Variants in PRDX1 observed in about 807,000 individuals in gnomAD.
PRDX1 encodes peroxiredoxin 1.
A neutral mutation model predicts 20.7 loss-of-function variants in PRDX1; 19 were observed. That is an observed-to-expected ratio of 0.92 (90% CI 0.64 to 1.35). The LOEUF is 1.35. Among genes scored for constraint, PRDX1 ranks in the 40% most tolerant of loss-of-function variants. The probability of loss-of-function intolerance (pLI) is 0.00; values close to 1 mark genes in which losing one functional copy is unlikely to be tolerated. For missense variants in PRDX1, 226 were observed against 240.0 expected (o/e 0.94, Z 0.38); for synonymous variants, 89 against 83.9 (o/e 1.06, Z -0.33).
chr1:45,517,313 T>C (rs145104670), intron 2 of PRDX1, among the ~76,000 whole-genome samples: 4 of 152,256 alleles, frequency 2.6e-5, no homozygotes, highest in Non-Finnish European at 5.9e-5. Context: ...TACCAAAAAC[T>C]AACTCCAGGG....
intron 2 of PRDX1, among the ~76,000 whole-genome samples, chr1:45,516,370 TCC>T (rs1643862557): frequency 1.3e-5 from 2 of 152,150 alleles, no homozygotes; most frequent in African/African-American, 4.8e-5. Flanking sequence ...GTGTCTGTAG[TCC>T]CAGCTACTTG....
At chr1:45,514,466 T>C in intron 5 of PRDX1, 41 bp downstream of exon 5, 1 of 1,610,414 alleles carries the variant, frequency 6.2e-7, no homozygotes, top group East Asian at 2.2e-5. Flanking sequence ...CACCCCTTCA[T>C]ACCACCACTC....
rs915069689 is a variant in PRDX1, at chr1:45,514,934, G to A, written c.322C>T (p.Pro108Ser). The A allele has an allele frequency of 1.9e-6, 3 of 1,614,154 alleles. No individual in the cohort carries two copies. Among genetic ancestry groups the A allele is most frequent in the African/African-American group, 1.3e-5 (1 of 75,034 alleles). Residue 108 changes from proline (P) to serine (S), a missense_variant, in exon 4 of 6, where the codon CCG (proline) becomes TCG (serine). Coordinates refer to ENST00000319248, the MANE Select transcript of PRDX1 (RefSeq NM_181697.3). Reference sequence around the variant, plus strand: ...TAATCCTGAGCAATGGTGCGCTTCGGGTCTGATACCAAAGGAATGTTCATG... The same window carrying A: ...TAATCCTGAGCAATGGTGCGCTTCGAGTCTGATACCAAAGGAATGTTCATG... ...GPMNIPLVSD[P>S]KRTIAQDYGV...
At chr1:45,520,486 G>A (rs958375446) in intron 1 of PRDX1, among the ~76,000 whole-genome samples, 1 of 152,046 alleles carries the variant, frequency 6.6e-6, no homozygotes, top group African/African-American at 2.4e-5. Context: ...ACTTTGGGAG[G>A]CCGAGGCAGG....
At chr1:45,522,105 C>G (rs1237651310), upstream of PRDX1, 1 of 152,210 alleles carries the variant, frequency 6.6e-6, no homozygotes, top group African/African-American at 2.4e-5. Flanking sequence ...AGTGAGGCGC[C>G]CTTGTGGCCG....
upstream of PRDX1, among the ~76,000 whole-genome samples, chr1:45,522,249 G>A (rs3790584): frequency 1.9e-3 from 286 of 152,222 alleles, 8 homozygotes; most frequent in East Asian, 0.05. Flanking sequence ...GCCCACGGAG[G>A]ACCACGTCTA....
chr1:45,522,760 A>G (rs1643925072), upstream of PRDX1: 1 of 151,966 alleles, frequency 6.6e-6, no homozygotes, highest in African/African-American at 2.4e-5. Context: ...CATTTTTTTG[A>G]GACGGAGTCT....
rs1245368362 is a variant in PRDX1 at position 45,514,569 on chromosome 1, C to T, written c.452G>A (p.Arg151His). The T allele has an allele frequency of 8.7e-6, 14 of 1,613,550 alleles. No individual in the cohort carries two copies. Among genetic ancestry groups the T allele is most frequent in the East Asian group, 2.2e-5 (1 of 44,894 alleles). ...QITVNDLPVG[R>H]SVDETLRLVQ... The stretch of plus-strand genomic sequence containing the variant: ...TAGTCTCAAAGTCTCATCCACAGAG[C>T]GGCCAACAGGGAGGTCATTTACAGT... Residue 151 changes from arginine to histidine, a missense_variant, in exon 5 of 6, where the codon CGC becomes CAC. Transcript: ENST00000319248.
chr1:45,514,322 G>A (rs539370470), intron 5 of PRDX1, among the ~76,000 whole-genome samples, 185 bp downstream of exon 5: 4 of 152,142 alleles, frequency 2.6e-5, no homozygotes, highest in South Asian at 2.1e-4. Context: ...CTCAGAGGCC[G>A]GCGGGATCCT....
chr1:45,511,861 C>T (rs1557611492), intron 5 of PRDX1: 1 of 152,676 alleles, frequency 6.5e-6, no homozygotes, highest in East Asian at 1.9e-4. Flanking sequence ...TAGCCTGAAC[C>T]TTATAAAGGA....
intron 2 of PRDX1, among the ~76,000 whole-genome samples, chr1:45,517,608 C>T (rs1317068763): frequency 6.6e-6 from 1 of 151,884 alleles, no homozygotes; most frequent in Non-Finnish European, 1.5e-5. Flanking sequence ...GGTGAAACCC[C>T]GTCTCTACTA....
At chr1:45,521,381 G>A (rs1278260042) in intron 1 of PRDX1, among the ~76,000 whole-genome samples, 2 of 152,282 alleles carry the variant, frequency 1.3e-5, no homozygotes, top group South Asian at 4.1e-4. Flanking sequence ...ACGGGGAAAG[G>A]GTACCCGAAG....
chr1:45,519,064 A>T lies in PRDX1; in HGVS notation c.-11-10T>A. The T allele has an allele frequency of 6.5e-7, 1 of 1,528,582 alleles. No homozygotes were observed. 94.7% of individuals were successfully genotyped at this position (1,528,582 alleles called of 1,614,324 possible). On this transcript the variant is annotated splice_polypyrimidine_tract_variant and intron_variant, in intron 1 of 5. Transcript: ENST00000319248. ...GACATCTTCCTATCAGCTAGAAATA[A>T]CAGAAATGAATTAGAAACAAGCCTT... is the stretch of plus-strand genomic sequence containing the variant.
At chr1:45,514,160 A>G (rs1570844556) in intron 5 of PRDX1, among the ~76,000 whole-genome samples, 1 of 152,162 alleles carries the variant, frequency 6.6e-6, no homozygotes. Flanking sequence ...TGCACATCTA[A>G]AGCACAGCAC....
chr1:45,512,256 T>C (rs1279608328), intron 5 of PRDX1: 1 of 150,672 alleles, frequency 6.6e-6, no homozygotes, highest in African/African-American at 2.4e-5. Context: ...TGGCTAATTT[T>C]TGAGACAGTC....
chr1:45,522,120 C>G (rs749600590), upstream of PRDX1, among the ~76,000 whole-genome samples: 6 of 152,164 alleles, frequency 3.9e-5, no homozygotes, highest in Admixed American at 2.0e-4. Context: ...TGGCCGCTCC[C>G]GAACCCGAAC....
At chr1:45,517,326 T>C (rs1643870489) in intron 2 of PRDX1, among the ~76,000 whole-genome samples, 1 of 152,182 alleles carries the variant, frequency 6.6e-6, no homozygotes, top group Non-Finnish European at 1.5e-5. Flanking sequence ...CTCCAGGGAC[T>C]AATGCTACAC....
chr1:45,514,578 G>A lies in PRDX1; in HGVS notation c.443C>T (p.Pro148Leu), dbSNP rs1423630080. ...ILRQITVNDL[P>L]VGRSVDETLR... ...AGTCTCATCCACAGAGCGGCCAACA[G>A]GGAGGTCATTTACAGTGATCTGCCG... Residue 148 changes from proline to leucine, a missense_variant, in exon 5 of 6, where the codon CCT becomes CTT. Transcript: ENST00000319248. The A allele has an allele frequency of 6.2e-7, 1 of 1,613,738 alleles. No homozygotes were observed. The highest frequency in any genetic ancestry group is 1.7e-5 in the Admixed American group (1 of 60,018).
intron 3 of PRDX1, 56 bp downstream of exon 3, chr1:45,515,598 C>CAAAAAGAAAAAAAAAAAAAA (rs1643845250): frequency 1.3e-6 from 1 of 790,810 alleles, no homozygotes; most frequent in Non-Finnish European, 1.6e-6. Flanking sequence ...GACTCCATCT[C>CAAAAAGAAAAAAAAAAAAAA]AAAAAAAAAA....
Sources: allele counts gnomAD v4.1 joint callset (sites outside exome capture counted in the v4.1 genomes callset), GRCh38; gene constraint gnomAD v4.1.1; transcripts MANE v1.5; gene names NCBI Gene and HGNC (gene_info 2026-07-23, HGNC 2026-07-21).